FRMD4B: variants seen among roughly 807,000 people sequenced by gnomAD.
FRMD4B encodes FERM domain-containing protein 4B.
Under a neutral mutation model 141.5 loss-of-function variants are expected in FRMD4B, and 74 were observed. The ratio of observed to expected loss-of-function variants is 0.52; its 90% confidence interval spans 0.43 to 0.63. The LOEUF is 0.63. Ranked by LOEUF, FRMD4B falls within the 30% of genes least tolerant of loss-of-function variation. FRMD4B has a pLI of 0.00. For synonymous variants in FRMD4B, 506 were observed against 467.9 expected, an observed-to-expected ratio of 1.08 and a Z score of -1.05; for missense variants, 1,366 against 1,253.4, an observed-to-expected ratio of 1.09 and a Z score of -1.36.
chr3:69,354,768 A>G (rs1703264399), intron 1 of FRMD4B, among the ~76,000 whole-genome samples: 1 of 152,280 alleles, frequency 6.6e-6, no homozygotes, highest in South Asian at 2.1e-4. Context: ...AGATCCTTCT[A>G]AAGACTCTAA....
intron 3 of FRMD4B, among the ~76,000 whole-genome samples, chr3:69,306,018 A>G (rs1036308762): frequency 2.7e-4 from 41 of 152,364 alleles, no homozygotes; most frequent in African/African-American, 9.6e-4. Context: ...ACTGGACTCA[A>G]CCATGACATT....
chr3:69,181,010 GTCCCTGA>G lies in FRMD4B; in HGVS notation c.2733_2739del (p.Gln912ThrfsTer51), dbSNP rs1296706886. 2 of 1,613,978 alleles carry G rather than the reference GTCCCTGA, an allele frequency of 1.2e-6. No homozygotes were observed. The highest frequency in any genetic ancestry group is 1.7e-6 in the Non-Finnish European group (2 of 1,179,846). On this transcript the variant is annotated frameshift_variant, in exon 21 of 23. Transcript: ENST00000398540. LOFTEE classifies it high-confidence loss of function. The stretch of plus-strand genomic sequence containing the variant: ...GAGTCAAAGCTGGTCTGCGGGCTGT[GTCCCTGA>G]TCCTTCTGCCCAGAGGCCCGCTGGT...
At chr3:69,476,721 T>C (rs1266674226) in intron 1 of FRMD4B, among the ~76,000 whole-genome samples, 6 of 152,188 alleles carry the variant, frequency 3.9e-5, no homozygotes, top group Admixed American at 6.5e-5. Context: ...TTTAAAGTAG[T>C]TTTTTCCAAT....
chr3:69,267,589 GTGTGTGTATATATATATA>G lies in FRMD4B; in HGVS notation c.502-17508_502-17491del, dbSNP rs1321624596. Among the ~76,000 whole-genome samples, 168 of 101,292 alleles carry G rather than the reference GTGTGTGTATATATATATA, an allele frequency of 1.7e-3. 8 individuals carry two copies. Among genetic ancestry groups the G allele is most frequent in the East Asian group, 4.2e-3 (13 of 3,068 alleles). The allele number at this position is 101,292 out of a possible 152,430, so 66.5% of individuals were successfully genotyped here. A position where few individuals can be genotyped will look rare whatever the true frequency, so the allele number is the denominator to read the frequency against. On this transcript the variant is annotated intron_variant, in intron 5 of 22. Transcript: ENST00000398540. ...TACATATATATATATGTGTGTGTGT[GTGTGTGTATATATATATA>G]TATATATATATATATATATATATAT...
intron 3 of FRMD4B, among the ~76,000 whole-genome samples, chr3:69,309,133 C>T (rs529246169): frequency 7.9e-5 from 12 of 152,012 alleles, no homozygotes; most frequent in African/African-American, 2.9e-4. Context: ...ATTTTATTTT[C>T]TATTTTTAGA....
intron 1 of FRMD4B, among the ~76,000 whole-genome samples, chr3:69,540,164 C>G (rs890416795): frequency 4.1e-5 from 6 of 146,334 alleles, no homozygotes; most frequent in African/African-American, 1.3e-4. Flanking sequence ...CTGCACTCCA[C>G]TCTGGGTGAC....
rs1363089259 is a variant in FRMD4B at position 69,323,172 on chromosome 3, T to C, written c.163-9655A>G. The C allele has an allele frequency of 3.9e-5, 6 of 155,556 alleles. No homozygotes were observed. In the East Asian group the frequency reaches 1.2e-3, roughly 30 times the overall value. The allele number at this position is 155,556 out of a possible 1,614,324, so 9.6% of individuals were successfully genotyped here. On this transcript the variant is annotated intron_variant, in intron 1 of 22. Transcript: ENST00000398540. Reference sequence around the variant, plus strand: ...AGAATTCAGTTTGCCAAAGCTGAAATTGAGTAATTGAGTAACATGCCTTAA... The same window carrying C: ...AGAATTCAGTTTGCCAAAGCTGAAACTGAGTAATTGAGTAACATGCCTTAA...
At chr3:69,211,337 T>C (rs2093077436) in intron 11 of FRMD4B, among the ~76,000 whole-genome samples, 1 of 152,128 alleles carries the variant, frequency 6.6e-6, no homozygotes, top group Non-Finnish European at 1.5e-5. Context: ...GGGCAGAGGT[T>C]GGGATGTCTC....
chr3:69,535,308 G>C (rs1701067787), intron 1 of FRMD4B, among the ~76,000 whole-genome samples: 1 of 152,204 alleles, frequency 6.6e-6, no homozygotes, highest in Non-Finnish European at 1.5e-5. Flanking sequence ...TGGCCAAGTG[G>C]CAACCTCACA....
intron 5 of FRMD4B, among the ~76,000 whole-genome samples, chr3:69,266,358 G>C (rs1205122292): frequency 6.6e-6 from 1 of 152,106 alleles, no homozygotes; most frequent in East Asian, 1.9e-4. Context: ...AGATGGAGCA[G>C]CCTGCCGCCC....
At chr3:69,237,635 C>T (rs193169961) in intron 7 of FRMD4B, among the ~76,000 whole-genome samples, 50 of 152,006 alleles carry the variant, frequency 3.3e-4, no homozygotes, top group African/African-American at 1.1e-3. Context: ...GGTTCAGGTG[C>T]GAGCATGCAT....
At chr3:69,229,079 G>T (rs1272749791) in intron 7 of FRMD4B, among the ~76,000 whole-genome samples, 1 of 144,774 alleles carries the variant, frequency 6.9e-6, no homozygotes, top group Non-Finnish European at 1.5e-5. Flanking sequence ...AGGCTGGAGT[G>T]CAGTGGCTCA....
Position 69,438,894 on chromosome 3 carries a change from A to T in FRMD4B, c.-128-6133T>A, listed in dbSNP as rs573583153. The stretch of plus-strand genomic sequence containing the variant: ...TGCGCCCATCAGTCAAAACTAACAA[A>T]CGTTGTTTTTCATATTTTTTCACAT... On this transcript the variant is annotated intron_variant, in intron 1 of 5. Transcript: ENST00000459638. Among the ~76,000 whole-genome samples, 16 of 152,110 alleles carry T rather than the reference A, an allele frequency of 1.1e-4. No individual in the cohort carries two copies. In the South Asian group the frequency reaches 3.3e-3, roughly 32 times the overall value.
At chr3:69,282,312 C>T (rs2107019198) in intron 5 of FRMD4B, among the ~76,000 whole-genome samples, 1 of 152,262 alleles carries the variant, frequency 6.6e-6, no homozygotes. Flanking sequence ...TGTCAAACAT[C>T]TCACTGGAGA....
chr3:69,354,070 G>C (rs936253342), intron 1 of FRMD4B, among the ~76,000 whole-genome samples: 20 of 152,164 alleles, frequency 1.3e-4, no homozygotes, highest in Non-Finnish European at 1.0e-4. Flanking sequence ...ACTCAACTTT[G>C]CTACTCACAG....
At chr3:69,240,288 T>C (rs1419471335) in intron 7 of FRMD4B, among the ~76,000 whole-genome samples, 1 of 151,914 alleles carries the variant, frequency 6.6e-6, no homozygotes, top group African/African-American at 2.4e-5. Flanking sequence ...GAGACCATTC[T>C]GGCTAACATG....
intron 11 of FRMD4B, among the ~76,000 whole-genome samples, chr3:69,215,188 A>T (rs946372162): frequency 1.3e-5 from 2 of 149,290 alleles, no homozygotes; most frequent in South Asian, 2.1e-4. Context: ...CTAATAATGA[A>T]TTTTTTTAAA....
rs1198498218 is a variant in FRMD4B, at chr3:69,368,048, C to CT, written c.162+17779dup. On this transcript the variant is annotated intron_variant, in intron 1 of 22. Transcript: ENST00000398540. The stretch of plus-strand genomic sequence containing the variant: ...ATTTCTGGGATGCTTTTCCTTCTCT[C>CT]TTTTTTTATTTTACCTCTTTTCGTG... Among the ~76,000 whole-genome samples, 3 of 152,292 alleles carry CT rather than the reference C, an allele frequency of 2.0e-5. No individual in the cohort carries two copies. The South Asian group carries it at 6.2e-4, about 32-fold the overall frequency.
upstream of FRMD4B, among the ~76,000 whole-genome samples, chr3:69,389,283 G>A (rs530727139): frequency 3.3e-5 from 5 of 151,902 alleles, no homozygotes; most frequent in Non-Finnish European, 5.9e-5. Flanking sequence ...CTCCCCCCTC[G>A]GCCTCCCAAG....
Sources: gnomAD v4.1 joint callset for allele counts (sites outside exome capture counted in the v4.1 genomes callset) on GRCh38, gnomAD v4.1.1 for gene constraint, MANE v1.5 for transcripts, NCBI Gene and HGNC (gene_info 2026-07-23, HGNC 2026-07-21) for gene names.